RBM12: variants seen among roughly 807,000 people sequenced by gnomAD.
RBM12 encodes the protein RNA binding motif protein 12, also known as RNA-binding protein 12.
In RBM12, 24 loss-of-function variants were observed where a neutral mutation model predicts 37.2. That is an observed-to-expected ratio of 0.65 (90% CI 0.47 to 0.91). RBM12 has a LOEUF of 0.91. Among genes scored for constraint, RBM12 ranks in the 40% least tolerant of loss-of-function variants. RBM12 has a pLI of 0.00. For missense variants in RBM12, 1,061 were observed against 1,183.2 expected (o/e 0.90, Z 1.52); for synonymous variants, 420 against 425.2 (o/e 0.99, Z 0.15).
chr20:35,652,306 T>A lies in RBM12; in HGVS notation c.*218A>T. On this transcript the variant is annotated 3_prime_UTR_variant, in exon 3 of 3. Coordinates refer to ENST00000374114, the MANE Select transcript of RBM12 (RefSeq NM_006047.6). ...TCTAATGGTATGCCAAAATCATTTA[T>A]GTGTTCTCTCCAGATAGCTTTACTG... 1 of 508,480 alleles carries A rather than the reference T, an allele frequency of 2.0e-6. No individual in the cohort carries two copies. The highest frequency in any genetic ancestry group is 3.4e-6 in the Non-Finnish European group (1 of 291,904). The allele number at this position is 508,480 out of a possible 1,614,324, so 31.5% of individuals were successfully genotyped here.
At chr20:35,658,654 G>A (rs923876584) in intron 2 of RBM12, among the ~76,000 whole-genome samples, 1 of 152,006 alleles carries the variant, frequency 6.6e-6, no homozygotes, top group African/African-American at 2.4e-5. Flanking sequence ...CCAGCTATTC[G>A]GGAGGCTGAG....
rs139357358 is a variant in RBM12, at chr20:35,655,110, T to C, written c.213A>G (p.Leu71=). ...GCATTTCCGTCTTACTACTCAACAA[T>C]AGTGTTACTTTTGACCCTTTAATTG... is the stretch of plus-strand genomic sequence containing the variant. The part of the protein sequence containing the change: ...GGTIKGSKVT[L]LLSSKTEMQN... Residue 71 remains leucine, a synonymous_variant, in exon 3 of 3, where the codon CTA becomes CTG. Coordinates refer to ENST00000374114, the MANE Select transcript of RBM12 (RefSeq NM_006047.6). 111 of 1,614,044 alleles carry C rather than the reference T, an allele frequency of 6.9e-5. No individual in the cohort carries two copies. The African/African-American group carries it at 1.1e-3, about 16-fold the overall frequency.
chr20:35,662,082 A>C (rs2034261259), intron 1 of RBM12, among the ~76,000 whole-genome samples: 1 of 152,212 alleles, frequency 6.6e-6, no homozygotes, highest in Admixed American at 6.5e-5. Context: ...ATCACTCTTA[A>C]TGAAAAAATT....
chr20:35,653,416 T>C lies in RBM12; in HGVS notation c.1907A>G (p.Lys636Arg). 1 of 1,614,158 alleles carries C rather than the reference T, an allele frequency of 6.2e-7. No individual in the cohort carries two copies. Among genetic ancestry groups the C allele is most frequent in the South Asian group, 1.1e-5 (1 of 91,082 alleles). ...EIEKNPPAQG[K>R]KGLKMPVPGN... The stretch of plus-strand genomic sequence containing the variant: ...TGGCACAGGCATCTTTAATCCCTTT[T>C]TTCCTTGGGCAGGGGGATTTTTCTC... Residue 636 changes from lysine to arginine, a missense_variant, in exon 3 of 3, where the codon AAA becomes AGA. Physicochemically the swap from Lys to Arg is conservative, Grantham distance 26 (BLOSUM62 2). Coordinates refer to ENST00000374114, the MANE Select transcript of RBM12 (RefSeq NM_006047.6).
At chr20:35,659,106 A>G in intron 1 of RBM12, 92 bp from the exon 2 acceptor site, 2 of 549,132 alleles carry the variant, frequency 3.6e-6, no homozygotes, top group East Asian at 6.4e-5. Flanking sequence ...GGCGAGTCTG[A>G]AACCACCAGA....
intron 2 of RBM12, among the ~76,000 whole-genome samples, chr20:35,655,903 T>C (rs919773917): frequency 6.6e-6 from 1 of 152,196 alleles, no homozygotes; most frequent in Non-Finnish European, 1.5e-5. Context: ...AAAAGTAGAT[T>C]CAAGTCTTAA....
chr20:35,651,815 C>T lies in RBM12; in HGVS notation c.*709G>A, dbSNP rs1398423484. 1 of 152,540 alleles carries T rather than the reference C, an allele frequency of 6.6e-6. No homozygotes were observed. Among genetic ancestry groups the T allele is most frequent in the African/African-American group, 2.4e-5 (1 of 41,412 alleles). The allele number at this position is 152,540 out of a possible 1,614,324, so 9.4% of individuals were successfully genotyped here. A position where few individuals can be genotyped will look rare whatever the true frequency, so the allele number is the denominator to read the frequency against. On this transcript the variant is annotated 3_prime_UTR_variant, in exon 3 of 3. Coordinates refer to ENST00000374114, the MANE Select transcript of RBM12 (RefSeq NM_006047.6). Reference sequence around the variant, plus strand: ...TATTTTTATGGCAAAAGTCTTATTCCACACAGTTTTAAGTGTGACATTAGA... The same window carrying T: ...TATTTTTATGGCAAAAGTCTTATTCTACACAGTTTTAAGTGTGACATTAGA...
At chr20:35,655,487 T>A in intron 2 of RBM12, 143 bp from the exon 3 acceptor site, 1 of 729,214 alleles carries the variant, frequency 1.4e-6, no homozygotes, top group Non-Finnish European at 2.2e-6. Context: ...TTAGATATTC[T>A]AAAAACTGAA....
chr20:35,654,114 G>T lies in RBM12; in HGVS notation c.1209C>A (p.Pro403=), dbSNP rs377668053. 1.2e-6 allele frequency: 2 copies of T among 1,614,188 alleles called. No homozygotes were observed. Among genetic ancestry groups the T allele is most frequent in the Admixed American group, 1.7e-5 (1 of 60,024 alleles). The change falls in exon 3 of 3, where the codon CCC becomes CCA. Residue 403 remains proline, a synonymous_variant. Transcript: ENST00000374114. ...TTGACCTGGGAAGTGTCTGAGGAGG[G>T]GGATGAGTTTGTCCAGAAGGTCCCA... is the stretch of plus-strand genomic sequence containing the variant. The part of the protein sequence containing the change: ...QNMGPSGQTH[P]PPQTLPRSKS...
rs1285907637 is a variant in RBM12 at position 35,654,397 on chromosome 20, T to C, written c.926A>G (p.His309Arg). Residue 309 changes from histidine to arginine, a missense_variant, in exon 3 of 3, where the codon CAT (histidine) becomes CGT (arginine). Physicochemically the swap from His to Arg is conservative, Grantham distance 29 (BLOSUM62 0). This residue lies in a region of RBM12 where 540 missense variants were observed against 632.7 expected (regional missense o/e 0.85). Transcript: ENST00000374114. Reference protein sequence around the residue: ...INPDDLYVSVHGMPFSAMEND... With the variant: ...INPDDLYVSVRGMPFSAMEND... The stretch of plus-strand genomic sequence containing the variant: ...TTCCATTGCAGAAAAGGGCATTCCA[T>C]GCACACTGACATACAGATCATCAGG... 1.2e-6 allele frequency: 2 copies of C among 1,614,242 alleles called. No individual in the cohort carries two copies. The highest frequency in any genetic ancestry group is 2.2e-5 in the South Asian group (2 of 91,086).
intron 1 of RBM12, among the ~76,000 whole-genome samples, chr20:35,662,592 A>C (rs568439372): frequency 1.3e-5 from 2 of 152,340 alleles, no homozygotes; most frequent in South Asian, 2.1e-4. Context: ...TGTGCAACCA[A>C]CTACTGACAC....
chr20:35,659,672 A>G (rs1442856210), intron 1 of RBM12, among the ~76,000 whole-genome samples: 3 of 152,158 alleles, frequency 2.0e-5, no homozygotes, highest in East Asian at 3.8e-4. Flanking sequence ...AATAAATAAA[A>G]TAAAATAAAA....
Position 35,654,999 on chromosome 20 carries a change from T to C in RBM12, c.324A>G (p.Pro108=). 1 of 1,614,206 alleles carries C rather than the reference T, an allele frequency of 6.2e-7. No individual in the cohort carries two copies. Among genetic ancestry groups the C allele is most frequent in the Non-Finnish European group, 8.5e-7 (1 of 1,180,036 alleles). The change falls in exon 3 of 3, where the codon CCA becomes CCG. Residue 108 remains proline, a synonymous_variant. Coordinates refer to ENST00000374114, the MANE Select transcript of RBM12 (RefSeq NM_006047.6). ...PPANASRSGP[P]PSSGMSSRVN... ...CCCTGCTACTCATTCCTGAGCTAGG[T>C]GGTGGTCCTGATCTACTGGCATTTG...
rs1555880137 is a variant in RBM12 at position 35,652,812 on chromosome 20, TGGGCCAGGGCCG to T, written c.2499_2510del (p.Gly834_Pro837del). ...AGCCAGGGGGACCACCAATATGGAT[TGGGCCAGGGCCG>T]GGGCCGGGGCCGGGGCCAGGCCCAA... On this transcript the variant is annotated inframe_deletion, in exon 3 of 3. Transcript: ENST00000374114. 18 of 1,587,692 alleles carry T rather than the reference TGGGCCAGGGCCG, an allele frequency of 1.1e-5. No homozygotes were observed. The highest frequency in any genetic ancestry group is 1.0e-4 in the Admixed American group (6 of 57,766).
Position 35,660,873 on chromosome 20 carries a change from A to G in RBM12, c.-107-1859T>C, listed in dbSNP as rs961565438. Among the ~76,000 whole-genome samples, 6 of 152,196 alleles carry G rather than the reference A, an allele frequency of 3.9e-5. No homozygotes were observed. The East Asian group carries it at 5.8e-4, about 15-fold the overall frequency. ...ACCGTATGTCTATCTTGAGAAGGAC[A>G]TATCTGGGGTCAGCCAGTTAAGCTC... On this transcript the variant is annotated intron_variant, in intron 1 of 2. Transcript: ENST00000374114.
rs755229287 is a variant in RBM12 at position 35,652,922 on chromosome 20, C to T, written c.2401G>A (p.Gly801Ser). The change falls in exon 3 of 3, where the codon GGT (glycine) becomes AGT (serine). Residue 801 changes from glycine (G) to serine (S), a missense_variant. By Grantham distance (56) the Gly-to-Ser change is moderately conservative (BLOSUM62 0). Transcript: ENST00000374114. ...GGGCCACTTCCAAACCCCGGGGGAC[C>T]GCCTAAGCTACCAGGGCCATTTCCA... ...NFGNGPGSLG[G>S]PPGFGSGPPG... 1.1e-4 allele frequency: 175 copies of T among 1,613,648 alleles called. No individual in the cohort carries two copies. The highest frequency in any genetic ancestry group is 1.4e-4 in the Non-Finnish European group (165 of 1,180,036).
chr20:35,660,981 C>T (rs1479545379), intron 1 of RBM12, among the ~76,000 whole-genome samples: 1 of 152,180 alleles, frequency 6.6e-6, no homozygotes, highest in Non-Finnish European at 1.5e-5. Context: ...TTTCTCATTC[C>T]ACAAGGCAAG....
chr20:35,655,236 A>G lies in RBM12; in HGVS notation c.87T>C (p.Pro29=). The G allele has an allele frequency of 6.2e-7, 1 of 1,614,084 alleles. No individual in the cohort carries two copies. The highest frequency in any genetic ancestry group is 8.5e-7 in the Non-Finnish European group (1 of 1,180,030). ...IRHFFSGLTI[P]DGGVHIVGGE... is the part of the protein sequence containing the mutation. ...CCCCTACAATATGCACGCCCCCATC[A>G]GGAATGGTCAATCCAGAGAAGAAGT... is the stretch of plus-strand genomic sequence containing the variant. The change falls in exon 3 of 3, where the codon CCT becomes CCC. Residue 29 remains proline, a synonymous_variant. Transcript: ENST00000374114.
chr20:35,663,645 G>A (rs1360648498), intron 1 of RBM12, among the ~76,000 whole-genome samples: 1 of 152,184 alleles, frequency 6.6e-6, no homozygotes, highest in African/African-American at 2.4e-5. Flanking sequence ...TTCTCAGCAT[G>A]ACACCACGCA....
Sources: gnomAD v4.1 joint callset for allele counts (sites outside exome capture counted in the v4.1 genomes callset) on GRCh38, gnomAD v4.1.1 for gene constraint, gnomAD v4.1.1 regional missense constraint, MANE v1.5 for transcripts, NCBI Gene and HGNC (gene_info 2026-07-23, HGNC 2026-07-21) for gene names.